KCNJ6: variants seen among roughly 807,000 people sequenced by gnomAD.
The protein encoded by KCNJ6 is potassium inwardly rectifying channel subfamily J member 6, also known as G protein-activated inward rectifier potassium channel 2.
In KCNJ6, 9 loss-of-function variants were observed where a neutral mutation model predicts 34.2. The ratio of observed to expected loss-of-function variants is 0.26; its 90% CI spans 0.16 to 0.46. The LOEUF is 0.46. KCNJ6 is among the 20% of genes least tolerant of loss of function. The pLI, the probability that KCNJ6 is intolerant of heterozygous loss-of-function variation, is 1.00. For synonymous variants in KCNJ6, 196 were observed against 207.1 expected, an observed-to-expected ratio of 0.95 and a Z score of 0.46; for missense variants, 236 against 531.3, an observed-to-expected ratio of 0.44 and a Z score of 5.46.
rs1290258440 is a variant in KCNJ6 at position 37,623,680 on chromosome 21, T to C, written c.*1479A>G. The stretch of plus-strand genomic sequence containing the variant: ...GATTAAAGTGAATTAAGGCTGGAAT[T>C]TTTTTATTTGTTTTCTTTTGATTGA... On this transcript the variant is annotated 3_prime_UTR_variant, in exon 4 of 4. Coordinates refer to ENST00000609713, the MANE Select transcript of KCNJ6 (RefSeq NM_002240.5). 2.0e-5 allele frequency: 3 copies of C among 152,214 alleles called. No individual in the cohort carries two copies. Among genetic ancestry groups the C allele is most frequent in the African/African-American group, 7.2e-5 (3 of 41,444 alleles). 9.4% of individuals were successfully genotyped at this position (152,214 alleles called of 1,614,324 possible). A position where few individuals can be genotyped will look rare whatever the true frequency, so the allele number is the denominator to read the frequency against.
At chr21:37,814,789 TG>T (rs961819305) in intron 2 of KCNJ6, among the ~76,000 whole-genome samples, 1 of 146,722 alleles carries the variant, frequency 6.8e-6, no homozygotes, top group Non-Finnish European at 1.5e-5. Context: ...TCCCAGCTAC[TG>T]GGGAGGCTGA....
chr21:37,854,573 T>C (rs1272772990), intron 1 of KCNJ6, among the ~76,000 whole-genome samples: 1 of 152,226 alleles, frequency 6.6e-6, no homozygotes, highest in Non-Finnish European at 1.5e-5. Flanking sequence ...CATTGTTTGA[T>C]AGCACAGTAG....
At chr21:37,699,309 C>G (rs1285225573) in intron 3 of KCNJ6, among the ~76,000 whole-genome samples, 1 of 152,176 alleles carries the variant, frequency 6.6e-6, no homozygotes, top group African/African-American at 2.4e-5. Context: ...CTTCGGCCCC[C>G]TTGCCTGTTG....
At chr21:37,655,233 GA>G (rs2054456854) in intron 3 of KCNJ6, among the ~76,000 whole-genome samples, 45 of 2,482 alleles carry the variant, frequency 0.018, no homozygotes, top group African/African-American at 0.043. Flanking sequence ...GTGAGAGAGA[GA>G]GAGAGAGAGA....
intron 1 of KCNJ6, among the ~76,000 whole-genome samples, chr21:37,842,385 C>A (rs1197639095): frequency 6.6e-6 from 1 of 152,148 alleles, no homozygotes; most frequent in Non-Finnish European, 1.5e-5. Context: ...ATAGAAAGAT[C>A]ATTATTCATC....
chr21:37,728,128 A>G (rs1375528318), intron 2 of KCNJ6, among the ~76,000 whole-genome samples: 1 of 152,266 alleles, frequency 6.6e-6, no homozygotes, highest in Non-Finnish European at 1.5e-5. Flanking sequence ...AGCCTTGAAA[A>G]GGAAGAAAAT....
In KCNJ6 at chr21:37,617,054, TTTCTTTTCTTTTC is replaced by T. The variant is rs1480668664; in HGVS notation, c.*8092_*8104del. 2 of 33,938 alleles carry T rather than the reference TTTCTTTTCTTTTC, an allele frequency of 5.9e-5. 1 individual carries two copies. Among genetic ancestry groups the T allele is most frequent in the South Asian group, 2.9e-3 (2 of 678 alleles). The allele number at this position is 33,938 out of a possible 1,614,324, so 2.1% of individuals were successfully genotyped here. On this transcript the variant is annotated 3_prime_UTR_variant, in exon 4 of 4. Transcript: ENST00000609713. Reference sequence around the variant, plus strand: ...TTTCTTTCTTTCTTTCTTTCTTTCTTTTCTTTTCTTTTCTTTTCTTTTCTTTCTTTTTCTTTCT... The same window carrying T: ...TTTCTTTCTTTCTTTCTTTCTTTCTTTTTTCTTTTCTTTCTTTTTCTTTCT...
chr21:37,872,246 C>T (rs916729061), intron 1 of KCNJ6, among the ~76,000 whole-genome samples: 1 of 152,184 alleles, frequency 6.6e-6, no homozygotes, highest in Non-Finnish European at 1.5e-5. Flanking sequence ...GTATATCTAT[C>T]AGGATGGAGT....
chr21:37,765,720 T>C (rs1468031520), intron 2 of KCNJ6, among the ~76,000 whole-genome samples: 2 of 152,240 alleles, frequency 1.3e-5, no homozygotes, highest in Non-Finnish European at 2.9e-5. Context: ...AAAGCTATTA[T>C]ATGATTCATT....
At chr21:37,633,895 T>A (rs1273985261) in intron 3 of KCNJ6, among the ~76,000 whole-genome samples, 1 of 150,680 alleles carries the variant, frequency 6.6e-6, no homozygotes, top group Non-Finnish European at 1.5e-5. Flanking sequence ...ACTTTATAGA[T>A]TCAATACAAT....
chr21:37,679,957 T>A (rs1709823), intron 3 of KCNJ6, among the ~76,000 whole-genome samples: 152,386 of 152,386 alleles, frequency 1, 76,193 homozygotes, highest in Non-Finnish European at 1. Context: ...GGATTCCCTA[T>A]GTCAGCAGAA....
At chr21:37,788,225 C>A (rs948920930) in intron 2 of KCNJ6, among the ~76,000 whole-genome samples, 88 of 152,126 alleles carry the variant, frequency 5.8e-4, no homozygotes, top group Admixed American at 1.6e-3. Flanking sequence ...GTCATTCTTG[C>A]CTTGATGAAA....
intron 1 of KCNJ6, among the ~76,000 whole-genome samples, chr21:37,850,986 A>G (rs2055534713): frequency 1.3e-5 from 2 of 152,200 alleles, no homozygotes; most frequent in Admixed American, 6.5e-5. Flanking sequence ...TCATTCATTC[A>G]TGGCTCAGCC....
At chr21:37,841,831 A>AT (rs1222097229) in intron 1 of KCNJ6, among the ~76,000 whole-genome samples, 4 of 152,172 alleles carry the variant, frequency 2.6e-5, no homozygotes, top group Non-Finnish European at 1.5e-5. Flanking sequence ...TTTACTTAGA[A>AT]TTTTTTACTA....
intron 2 of KCNJ6, among the ~76,000 whole-genome samples, chr21:37,738,532 C>T (rs1697214426): frequency 6.6e-6 from 1 of 152,212 alleles, no homozygotes; most frequent in Non-Finnish European, 1.5e-5. Flanking sequence ...ACTCTTGTCT[C>T]GACTTTGCCT....
chr21:37,759,026 C>T (rs1283725091), intron 2 of KCNJ6, among the ~76,000 whole-genome samples: 2 of 152,214 alleles, frequency 1.3e-5, no homozygotes, highest in Non-Finnish European at 2.9e-5. Flanking sequence ...TCAGTCTGAC[C>T]CCCAAGGCCA....
chr21:37,826,611 TAA>T (rs5843867), intron 2 of KCNJ6, among the ~76,000 whole-genome samples: 303 of 147,134 alleles, frequency 2.1e-3, no homozygotes, highest in African/African-American at 7.1e-3. Context: ...TCCAATTTAT[TAA>T]AAAAAAAAAC....
chr21:37,680,396 C>T (rs1259341286), intron 3 of KCNJ6, among the ~76,000 whole-genome samples: 5 of 152,164 alleles, frequency 3.3e-5, no homozygotes, highest in African/African-American at 7.2e-5. Context: ...AACGAACTCT[C>T]GGCTGCACGT....
chr21:37,715,230 C>T (rs1191475336), intron 2 of KCNJ6, 99 bp from the exon 3 acceptor site: 5 of 1,017,682 alleles, frequency 4.9e-6, no homozygotes, highest in East Asian at 5.2e-5. Flanking sequence ...AAACCAAATA[C>T]CATTTGTGTA....
Sources: allele counts gnomAD v4.1 joint callset (sites outside exome capture counted in the v4.1 genomes callset), GRCh38; gene constraint gnomAD v4.1.1; transcripts MANE v1.5; gene names NCBI Gene and HGNC (gene_info 2026-07-23, HGNC 2026-07-21).